Variants in CDH6 observed in about 807,000 individuals in gnomAD.
CDH6 encodes cadherin 6.
CDH6 carries 31 observed loss-of-function variants against 78.0 expected under a neutral mutation model. The observed-to-expected ratio is 0.40, with a 90% CI of 0.30 to 0.54. The LOEUF (loss-of-function observed/expected upper bound fraction) is 0.54. CDH6 is among the 20% of genes least tolerant of loss of function. The pLI is 0.56. For synonymous variants in CDH6, 376 were observed against 368.8 expected (o/e 1.02, Z -0.23); for missense variants, 724 against 975.9 (o/e 0.74, Z 3.44).
intron 1 of CDH6, among the ~76,000 whole-genome samples, chr5:31,257,224 G>T (rs550763910): frequency 6.6e-6 from 1 of 152,098 alleles, no homozygotes; most frequent in Non-Finnish European, 1.5e-5. Flanking sequence ...GTGCAGTGGC[G>T]CGATCTCGGC....
intron 1 of CDH6, among the ~76,000 whole-genome samples, chr5:31,230,571 TAATGTACTCAGTG>T (rs1462165942): frequency 1.3e-5 from 2 of 152,112 alleles, no homozygotes; most frequent in Non-Finnish European, 2.9e-5. Context: ...AGACCATGAG[TAATGTACTCAGTG>T]AAAAATGAGA....
At chr5:31,206,701 C>A (rs1740531818) in intron 1 of CDH6, among the ~76,000 whole-genome samples, 1 of 152,086 alleles carries the variant, frequency 6.6e-6, no homozygotes, top group African/African-American at 2.4e-5. Flanking sequence ...TATCCAAGAC[C>A]AATAATACTA....
chr5:31,315,826 T>C (rs935506858), intron 8 of CDH6, among the ~76,000 whole-genome samples: 4 of 152,246 alleles, frequency 2.6e-5, no homozygotes, highest in African/African-American at 9.6e-5. Context: ...GACTAATAAC[T>C]ATCCTTTGGT....
chr5:31,273,174 T>C (rs1025598715), intron 2 of CDH6, among the ~76,000 whole-genome samples: 1 of 152,250 alleles, frequency 6.6e-6, no homozygotes, highest in African/African-American at 2.4e-5. Context: ...CAATATTTTA[T>C]CCGTTCTGAA....
intron 7 of CDH6, among the ~76,000 whole-genome samples, chr5:31,312,466 A>AGGTAGGTGGATCACTTGAGCTC (rs1439434788): frequency 2.0e-5 from 3 of 152,194 alleles, no homozygotes; most frequent in African/African-American, 7.2e-5. Context: ...CGGGAGGCCG[A>AGGTAGGTGGATCACTTGAGCTC]GGTAGGTGGA....
intron 1 of CDH6, among the ~76,000 whole-genome samples, chr5:31,237,618 TAAA>T: frequency 6.6e-6 from 1 of 152,294 alleles, no homozygotes; most frequent in East Asian, 1.9e-4. Context: ...ACCATATAAT[TAAA>T]AATTGACTTT....
At chr5:31,208,542 A>T (rs866831748) in intron 1 of CDH6, among the ~76,000 whole-genome samples, 1 of 152,190 alleles carries the variant, frequency 6.6e-6, no homozygotes, top group Non-Finnish European at 1.5e-5. Flanking sequence ...AGGGAAGTTG[A>T]CATTTTTTTG....
chr5:31,260,035 C>T (rs796719902), intron 1 of CDH6, among the ~76,000 whole-genome samples: 4 of 152,214 alleles, frequency 2.6e-5, no homozygotes, highest in African/African-American at 9.6e-5. Flanking sequence ...TAGCAACTGA[C>T]TTAAGTTTCT....
intron 2 of CDH6, among the ~76,000 whole-genome samples, chr5:31,286,480 C>T (rs1007462930): frequency 6.6e-6 from 1 of 152,172 alleles, no homozygotes. Flanking sequence ...GAAGGCGTAG[C>T]TACGAAAGAG....
chr5:31,310,871 C>A (rs1201976168), intron 7 of CDH6, among the ~76,000 whole-genome samples: 2 of 152,328 alleles, frequency 1.3e-5, no homozygotes, highest in Non-Finnish European at 2.9e-5. Context: ...AGCAGCTAGG[C>A]CCTAGGCCTT....
intron 8 of CDH6, among the ~76,000 whole-genome samples, chr5:31,315,977 C>A (rs1014752899): frequency 2.0e-5 from 3 of 152,114 alleles, no homozygotes; most frequent in Non-Finnish European, 4.4e-5. Flanking sequence ...TGAACTATAT[C>A]AACACAAGTG....
intron 1 of CDH6, among the ~76,000 whole-genome samples, chr5:31,255,693 A>G (rs80106318): frequency 0.13 from 19,775 of 152,184 alleles, 1,558 homozygotes; most frequent in East Asian, 0.19. Flanking sequence ...CTGTCTTATT[A>G]ATAGTTAGTC....
rs776607018 is a variant in CDH6, at chr5:31,317,770, A to G, written c.1728A>G (p.Pro576=). Residue 576 remains proline, a synonymous_variant, in exon 11 of 12, where the codon CCA becomes CCG. Transcript: ENST00000265071. ...TGGTCATTTCAGACAACGACTACCC[A>G]GTTCAAAGCAGCACTGGGACAGTGA... ...LPVVISDNDY[P]VQSSTGTVTV... is the part of the protein sequence containing the mutation. 6.2e-6 allele frequency: 10 copies of G among 1,614,048 alleles called. No homozygotes were observed. In the East Asian group the frequency reaches 2.2e-4, roughly 36 times the overall value.
intron 7 of CDH6, among the ~76,000 whole-genome samples, chr5:31,308,494 T>G (rs1239667768): frequency 6.6e-6 from 1 of 151,844 alleles, no homozygotes; most frequent in African/African-American, 2.4e-5. Context: ...GGATTTTATC[T>G]TGTTTCTTAT....
At chr5:31,214,756 T>C (rs1352584485) in intron 1 of CDH6, among the ~76,000 whole-genome samples, 2 of 152,208 alleles carry the variant, frequency 1.3e-5, no homozygotes, top group Non-Finnish European at 2.9e-5. Context: ...CAATTTTGAA[T>C]GATTTCATAC....
At chr5:31,309,650 CT>C (rs1738089457) in intron 7 of CDH6, among the ~76,000 whole-genome samples, 1 of 122,498 alleles carries the variant, frequency 8.2e-6, no homozygotes, top group Non-Finnish European at 1.6e-5. Flanking sequence ...CATTTTTAAA[CT>C]GCTATAAAGA....
chr5:31,303,805 A>C (rs969412984), intron 6 of CDH6, among the ~76,000 whole-genome samples: 4 of 152,152 alleles, frequency 2.6e-5, no homozygotes, highest in Non-Finnish European at 5.9e-5. Context: ...ATCTGGAAAC[A>C]CAATAAAACA....
At chr5:31,313,270 T>C in intron 7 of CDH6, 48 bp from the exon 8 acceptor site, 1 of 1,531,854 alleles carries the variant, frequency 6.5e-7, no homozygotes, top group South Asian at 1.2e-5. Flanking sequence ...GATGTGAGAA[T>C]AGGAAATAGA....
chr5:31,289,569 T>C (rs562186747), intron 2 of CDH6, among the ~76,000 whole-genome samples: 1 of 152,322 alleles, frequency 6.6e-6, no homozygotes, highest in South Asian at 2.1e-4. Flanking sequence ...TCCATAGAGA[T>C]TGAATTAATT....
Sources: gnomAD v4.1 joint callset for allele counts (sites outside exome capture counted in the v4.1 genomes callset) on GRCh38, gnomAD v4.1.1 for gene constraint, MANE v1.5 for transcripts, NCBI Gene and HGNC (gene_info 2026-07-23, HGNC 2026-07-21) for gene names.